The following STAU1 variants were observed in gnomAD, a reference collection of about 807,000 sequenced individuals.
STAU1 encodes double-stranded RNA-binding protein Staufen homolog 1.
Under a neutral mutation model 62.9 loss-of-function variants are expected in STAU1, and 13 were observed. The observed-to-expected ratio is 0.21, with a 90% CI of 0.13 to 0.33. The LOEUF (loss-of-function observed/expected upper bound fraction) is 0.33, where lower values mean the gene tolerates loss of function less well. STAU1 is among the 10% of genes least tolerant of loss of function. The probability of loss-of-function intolerance (pLI) is 1.00; values close to 1 mark genes in which losing one functional copy is unlikely to be tolerated. For synonymous variants in STAU1, 269 were observed against 265.1 expected, an observed-to-expected ratio of 1.01 and a Z score of -0.14; for missense variants, 571 against 712.1, an observed-to-expected ratio of 0.80 and a Z score of 2.25.
chr20:49,170,413 C>G (rs1237776666), intron 2 of STAU1, among the ~76,000 whole-genome samples: 1 of 152,146 alleles, frequency 6.6e-6, no homozygotes, highest in African/African-American at 2.4e-5. Flanking sequence ...TGCAGTGGCA[C>G]GATCTTGGCT....
intron 1 of STAU1, among the ~76,000 whole-genome samples, chr20:49,181,766 C>CAAAAAA (rs758956478): frequency 3.3e-4 from 8 of 24,538 alleles, no homozygotes; most frequent in African/African-American, 7.4e-4. Flanking sequence ...ACTATCTCAA[C>CAAAAAA]AAAAAAAAAA....
At chr20:49,185,797 C>G (rs73268173) in intron 1 of STAU1, among the ~76,000 whole-genome samples, 1 of 152,088 alleles carries the variant, frequency 6.6e-6, no homozygotes, top group Non-Finnish European at 1.5e-5. Flanking sequence ...TACCATTTCC[C>G]TATTGAAATA....
intron 2 of STAU1, among the ~76,000 whole-genome samples, chr20:49,172,300 A>G (rs1416794308): frequency 6.6e-6 from 1 of 152,166 alleles, no homozygotes; most frequent in Non-Finnish European, 1.5e-5. Context: ...TATAAGCCTT[A>G]TTTTCTTTTC....
the STAU1 span, among the ~76,000 whole-genome samples, chr20:49,209,337 A>T: frequency 6.6e-6 from 1 of 151,672 alleles, no homozygotes; most frequent in African/African-American, 2.4e-5. Flanking sequence ...CAAACTGAAC[A>T]TGCAAAGAAT....
chr20:49,176,452 G>A (rs2093661514), intron 1 of STAU1, among the ~76,000 whole-genome samples: 1 of 152,124 alleles, frequency 6.6e-6, no homozygotes, highest in Non-Finnish European at 1.5e-5. Flanking sequence ...TAGTAACACA[G>A]AATTTCTTAC....
At chr20:49,144,331 C>T (rs1332055364) in intron 5 of STAU1, among the ~76,000 whole-genome samples, 3 of 151,560 alleles carry the variant, frequency 2.0e-5, no homozygotes, top group Non-Finnish European at 4.4e-5. Context: ...AGGTTCTTGT[C>T]GAAAAATGTT....
chr20:49,187,678 C>A (rs1476745428), intron 1 of STAU1, among the ~76,000 whole-genome samples: 1 of 151,936 alleles, frequency 6.6e-6, no homozygotes, highest in African/African-American at 2.4e-5. Flanking sequence ...GTTCGGCACC[C>A]GTTTTGGACA....
chr20:49,134,449 A>AAAAAAAAAAAAAAAAAAAAAAT, intron 6 of STAU1: 2 of 609,626 alleles, frequency 3.3e-6, no homozygotes, highest in Admixed American at 2.4e-5. Flanking sequence ...AAAAAAAAAA[A>AAAAAAAAAAAAAAAAAAAAAAT]GCTCTGGGTT....
intron 2 of STAU1, among the ~76,000 whole-genome samples, chr20:49,171,425 A>G (rs888909192): frequency 1.3e-5 from 2 of 152,076 alleles, no homozygotes; most frequent in Non-Finnish European, 2.9e-5. Context: ...CTCTCCAAGT[A>G]GCTGGGACTA....
the STAU1 span, among the ~76,000 whole-genome samples, chr20:49,196,102 C>T: frequency 7.2e-6 from 1 of 139,264 alleles, no homozygotes; most frequent in African/African-American, 2.7e-5. Context: ...CCAGCCTGGG[C>T]GACAAAGCAA....
At chr20:49,119,738 A>G (rs555188210) in intron 9 of STAU1, among the ~76,000 whole-genome samples, 2 of 152,264 alleles carry the variant, frequency 1.3e-5, no homozygotes, top group South Asian at 4.1e-4. Flanking sequence ...CCCTCCACAA[A>G]GCGTCCCCAG....
At chr20:49,131,247 G>A (rs1022546512) in intron 6 of STAU1, among the ~76,000 whole-genome samples, 1 of 152,236 alleles carries the variant, frequency 6.6e-6, no homozygotes, top group African/African-American at 2.4e-5. Flanking sequence ...AGAGACTAAA[G>A]AGAAAGGTCA....
chr20:49,202,284 C>G, the STAU1 span, among the ~76,000 whole-genome samples: 1 of 141,634 alleles, frequency 7.1e-6, no homozygotes, highest in African/African-American at 2.6e-5. Context: ...GCTGGGACAC[C>G]GGGCGTGATG....
intron 1 of STAU1, among the ~76,000 whole-genome samples, chr20:49,182,416 G>A (rs1217279653): frequency 3.9e-5 from 6 of 152,116 alleles, no homozygotes; most frequent in East Asian, 1.9e-4. Context: ...CATCCATCCC[G>A]TGGCATTTGA....
At chr20:49,172,906 C>T (rs1258055931) in intron 2 of STAU1, among the ~76,000 whole-genome samples, 2 of 150,526 alleles carry the variant, frequency 1.3e-5, no homozygotes, top group African/African-American at 2.4e-5. Flanking sequence ...GAGATGGAGT[C>T]TCGCTGTGTT....
Position 49,177,551 on chromosome 20 carries a change from C to T in STAU1, c.-159-3282G>A, listed in dbSNP as rs868833912. 1.1e-4 allele frequency among the ~76,000 whole-genome samples: 17 copies of T among 151,900 alleles called. 1 individual carries two copies. Among genetic ancestry groups the T allele is most frequent in the Middle Eastern group, 3.4e-3 (1 of 290 alleles). On this transcript the variant is annotated intron_variant, in intron 1 of 13. Coordinates refer to ENST00000371856, the MANE Select transcript of STAU1 (RefSeq NM_017453.4). ...ATAATTAGCCAGGCATGGTGGCGGG[C>T]GCCTGTAGTCTCAGCTACTCGGGAG... is the stretch of plus-strand genomic sequence containing the variant.
In STAU1 at chr20:49,151,588, C is replaced by G; in HGVS notation, c.504G>C (p.Arg168Ser). 1.9e-6 allele frequency: 3 copies of G among 1,605,002 alleles called. No individual in the cohort carries two copies. Among genetic ancestry groups the G allele is most frequent in the Non-Finnish European group, 2.6e-6 (3 of 1,176,224 alleles). ...CCTGGGCTCAACTCCTCACCTCCAG[C>G]CTCTCTGGCAGGGGCTCATTCTGCA... ...RILQNEPLPE[R>S]LEVNGRESEE... The change falls in exon 5 of 14, where the codon AGG (arginine) becomes AGC (serine). Residue 168 changes from arginine (R) to serine (S), a missense_variant. By Grantham distance (110) the Arg-to-Ser change is moderately radical. This residue lies in a region of STAU1 where 414 missense variants were observed against 499.6 expected (regional missense o/e 0.83). Transcript: ENST00000371856.
rs2092229430 is a variant in STAU1 at position 49,113,462 on chromosome 20, G to A, written c.*1416C>T. On this transcript the variant is annotated 3_prime_UTR_variant, in exon 14 of 14. Transcript: ENST00000371856. ...TTCTTAAAAATAAAAAAAGGATAGG[G>A]GCAAGTTGGGAGGGGACCAACCTAG... The A allele has an allele frequency of 6.6e-6, 1 of 152,606 alleles. No individual in the cohort carries two copies. Among genetic ancestry groups the A allele is most frequent in the South Asian group, 2.1e-4 (1 of 4,824 alleles). 9.5% of individuals were successfully genotyped at this position (152,606 alleles called of 1,614,324 possible).
the STAU1 span, among the ~76,000 whole-genome samples, chr20:49,194,444 AAAAG>A: frequency 3.4e-5 from 5 of 148,958 alleles, no homozygotes; most frequent in South Asian, 2.1e-4. Flanking sequence ...AAAAAAAAAA[AAAAG>A]AAAAGAAAAA....
Sources: allele counts gnomAD v4.1 joint callset (sites outside exome capture counted in the v4.1 genomes callset), GRCh38; gene constraint gnomAD v4.1.1; regional missense constraint gnomAD v4.1.1; transcripts MANE v1.5; gene names NCBI Gene and HGNC (gene_info 2026-07-23, HGNC 2026-07-21).